DOP1B: variants seen among roughly 807,000 people sequenced by gnomAD.
The protein encoded by DOP1B is protein DOP1B.
A neutral mutation model predicts 233.5 loss-of-function variants in DOP1B; 174 were observed. The ratio of observed to expected loss-of-function variants is 0.75; its 90% CI spans 0.66 to 0.85. The LOEUF (loss-of-function observed/expected upper bound fraction) is 0.85. Among genes scored for constraint, DOP1B ranks in the 40% least tolerant of loss-of-function variants. The pLI is 0.00. For missense variants in DOP1B, 2,652 were observed against 2,846.6 expected (o/e 0.93, Z 1.56); for synonymous variants, 1,190 against 1,185.6 (o/e 1.00, Z -0.08).
chr21:36,263,873 T>A, intron 26 of DOP1B, 59 bp downstream of exon 26: 1 of 1,502,934 alleles, frequency 6.7e-7, no homozygotes, highest in Non-Finnish European at 9.2e-7. Context: ...TGTCCTCCTT[T>A]GGGGGATATC....
intron 36 of DOP1B, 117 bp downstream of exon 36, chr21:36,292,350 A>G: frequency 5.3e-6 from 4 of 758,582 alleles, no homozygotes; most frequent in Non-Finnish European, 8.0e-6. Flanking sequence ...TCCACCTCCC[A>G]GGTTCAAGTG....
intron 13 of DOP1B, among the ~76,000 whole-genome samples, chr21:36,228,103 A>G (rs1175766761): frequency 2.0e-5 from 3 of 152,114 alleles, no homozygotes; most frequent in Non-Finnish European, 4.4e-5. Context: ...CTGGGGCAGG[A>G]GGATTGCTTG....
intron 7 of DOP1B, 110 bp from the exon 8 acceptor site, chr21:36,213,971 C>T (rs985167862): frequency 5.3e-6 from 5 of 949,752 alleles, no homozygotes; most frequent in African/African-American, 1.7e-5. Context: ...TTTTGGTTTT[C>T]CATCAGAAGA....
Position 36,245,376 on chromosome 21 carries a change from C to G in DOP1B, c.3396C>G (p.Ser1132=). The change falls in exon 19 of 37, where the codon TCC becomes TCG. Residue 1132 remains serine, a synonymous_variant. Coordinates refer to ENST00000691173, the MANE Select transcript of DOP1B (RefSeq NM_001320714.2). The surrounding 1 kb of genome is among the most constrained non-coding windows in gnomAD (Gnocchi z 5.5). ...SENTSSFSSP[S]HDLQELSNEE... is the part of the protein sequence containing the mutation. ...ACACGTCCTCCTTCTCCTCCCCTTC[C>G]CACGACCTGCAGGAGCTGAGCAACG... 6.2e-7 allele frequency: 1 copy of G among 1,614,150 alleles called. No individual in the cohort carries two copies. Among genetic ancestry groups the G allele is most frequent in the Non-Finnish European group, 8.5e-7 (1 of 1,180,050 alleles).
chr21:36,188,362 C>T (rs1023116979), intron 2 of DOP1B, among the ~76,000 whole-genome samples: 1 of 152,204 alleles, frequency 6.6e-6, no homozygotes. Context: ...CTGCCTGTTT[C>T]TCCAGCTTAT....
intron 1 of DOP1B, among the ~76,000 whole-genome samples, chr21:36,162,630 G>A (rs1455067362): frequency 6.6e-6 from 1 of 151,986 alleles, no homozygotes; most frequent in Non-Finnish European, 1.5e-5. Context: ...AACCTCCATG[G>A]CTCCTGGGTT....
chr21:36,256,963 C>T (rs1044527481), intron 23 of DOP1B, among the ~76,000 whole-genome samples: 1 of 152,122 alleles, frequency 6.6e-6, no homozygotes, highest in Admixed American at 6.5e-5. Flanking sequence ...GGTGAGGGCT[C>T]AGTCCCCAAG....
intron 2 of DOP1B, among the ~76,000 whole-genome samples, chr21:36,165,395 TGTG>T (rs1414831663): frequency 6.6e-6 from 1 of 151,530 alleles, no homozygotes; most frequent in East Asian, 1.9e-4. Flanking sequence ...GCCCAAAACT[TGTG>T]TGTGTGTGTG....
chr21:36,226,895 GTCT>G (rs2066690274), intron 12 of DOP1B, among the ~76,000 whole-genome samples: 1 of 152,150 alleles, frequency 6.6e-6, no homozygotes, highest in Non-Finnish European at 1.5e-5. Context: ...ACTACGCCTA[GTCT>G]TCTTTTGTTT....
At chr21:36,248,648 TG>T in intron 21 of DOP1B, 80 bp downstream of exon 21, 1 of 1,398,814 alleles carries the variant, frequency 7.1e-7, no homozygotes, top group Non-Finnish European at 9.5e-7. Context: ...TAGGAAAGTG[TG>T]CATGATAAAC....
At chr21:36,235,868 G>GC (rs1555893496) in intron 15 of DOP1B, among the ~76,000 whole-genome samples, 15 of 147,708 alleles carry the variant, frequency 1.0e-4, no homozygotes, top group Admixed American at 4.8e-4. Flanking sequence ...GAAGTCGGGG[G>GC]GGGGGCGGTC....
At chr21:36,279,013 C>T (rs1014705039) in intron 30 of DOP1B, among the ~76,000 whole-genome samples, 2 of 152,064 alleles carry the variant, frequency 1.3e-5, no homozygotes, top group Non-Finnish European at 2.9e-5. Flanking sequence ...CCCCACTTCT[C>T]GGCTGATACT....
chr21:36,263,720 T>A (rs2067201519), intron 25 of DOP1B, 28 bp from the exon 26 acceptor site: 5 of 1,614,018 alleles, frequency 3.1e-6, no homozygotes, highest in Non-Finnish European at 4.2e-6. Flanking sequence ...GCAGCATTTT[T>A]AATCTGAAGC....
rs2067060383 is a variant in DOP1B at position 36,253,791 on chromosome 21, C to T, written c.5141C>T (p.Ala1714Val). The T allele has an allele frequency of 6.2e-7, 1 of 1,612,980 alleles. No homozygotes were observed. The highest frequency in any genetic ancestry group is 1.3e-5 in the African/African-American group (1 of 74,852). ...SKMKIIPTAS[A>V]SQLTLVDLVC... is the part of the protein sequence containing the mutation. The stretch of plus-strand genomic sequence containing the variant: ...TGGCAGATTATCCCAACGGCAAGTG[C>T]ATCCCAGCTAACCCTTGTCGACTTG... The change falls in exon 23 of 37, where the codon GCA (alanine) becomes GTA (valine). Residue 1714 changes from alanine to valine, a missense_variant. By Grantham distance (64) the Ala-to-Val change is moderately conservative (BLOSUM62 0). Around this residue, in one of 3 missense-constraint regions of DOP1B, gnomAD observed 2,617 missense variants for 2,794.3 expected, o/e 0.94. Transcript: ENST00000691173.
chr21:36,199,333 A>G, intron 3 of DOP1B, 82 bp downstream of exon 3: 7 of 1,519,462 alleles, frequency 4.6e-6, no homozygotes, highest in Middle Eastern at 1.8e-4. Context: ...AATGACAAAC[A>G]GGCAAAATAA....
At chr21:36,270,299 TC>T in intron 27 of DOP1B, 142 bp downstream of exon 27, 2 of 905,410 alleles carry the variant, frequency 2.2e-6, no homozygotes, top group Non-Finnish European at 3.3e-6. Context: ...ACGCCTGTAA[TC>T]CCAGCACTTT....
At chr21:36,265,006 C>T (rs910494258) in intron 26 of DOP1B, among the ~76,000 whole-genome samples, 1 of 152,152 alleles carries the variant, frequency 6.6e-6, no homozygotes, top group Non-Finnish European at 1.5e-5. Flanking sequence ...ATAGCCTTGG[C>T]GATACTACTG....
In DOP1B at chr21:36,199,213, G is replaced by C; in HGVS notation, c.282G>C (p.Val94=). ...CCTACGAGATTATCTTTAAAATCGTGGGGACCAAATGGCTGGCCAAGGACT... is the reference window on the plus strand; with the variant it reads ...CCTACGAGATTATCTTTAAAATCGTCGGGACCAAATGGCTGGCCAAGGACT... ...LETYEIIFKI[V]GTKWLAKDLF... The change falls in exon 3 of 37, where the codon GTG becomes GTC. Residue 94 remains valine, a synonymous_variant. Coordinates refer to ENST00000691173, the MANE Select transcript of DOP1B (RefSeq NM_001320714.2). 2 of 1,614,122 alleles carry C rather than the reference G, an allele frequency of 1.2e-6. No individual in the cohort carries two copies. The highest frequency in any genetic ancestry group is 1.7e-6 in the Non-Finnish European group (2 of 1,180,010).
chr21:36,276,583 G>A (rs1400349344), intron 27 of DOP1B, among the ~76,000 whole-genome samples: 1 of 151,938 alleles, frequency 6.6e-6, no homozygotes, highest in Non-Finnish European at 1.5e-5. Context: ...GCTCACGCCT[G>A]TAATCTCAGC....
Sources: gnomAD v4.1 joint callset for allele counts (sites outside exome capture counted in the v4.1 genomes callset) on GRCh38, gnomAD v4.1.1 for gene constraint, gnomAD v4.1.1 regional missense constraint, Gnocchi (gnomAD v3.1) non-coding constraint, MANE v1.5 for transcripts, NCBI Gene and HGNC (gene_info 2026-07-23, HGNC 2026-07-21) for gene names.